SYTL2: variants seen among roughly 807,000 people sequenced by gnomAD.
SYTL2 encodes synaptotagmin-like protein 2.
Under a neutral mutation model 198.7 loss-of-function variants are expected in SYTL2, and 165 were observed. That is an observed-to-expected ratio of 0.83 (90% CI 0.73 to 0.94). The LOEUF (loss-of-function observed/expected upper bound fraction) is 0.94, where lower values mean the gene tolerates loss of function less well. SYTL2 is among the 40% of genes least tolerant of loss of function. The pLI is 0.00. For missense variants in SYTL2, 2,835 were observed against 2,582.8 expected (o/e 1.10, Z -2.12); for synonymous variants, 966 against 917.7 (o/e 1.05, Z -0.95).
At chr11:85,718,734 A>G in intron 10 of SYTL2, 56 bp downstream of exon 10, 6 of 1,567,332 alleles carry the variant, frequency 3.8e-6, no homozygotes, top group Non-Finnish European at 5.3e-6. Flanking sequence ...GAGACTGCCC[A>G]AATCACCCCA....
chr11:85,758,856 G>A (rs2091995755), intron 1 of SYTL2, among the ~76,000 whole-genome samples: 1 of 152,226 alleles, frequency 6.6e-6, no homozygotes, highest in African/African-American at 2.4e-5. Context: ...AGTGAAGAAT[G>A]ACACAGCCCT....
At chr11:85,788,937 C>T (rs993780777) in intron 1 of SYTL2, among the ~76,000 whole-genome samples, 2 of 151,160 alleles carry the variant, frequency 1.3e-5, no homozygotes, top group African/African-American at 2.4e-5. Flanking sequence ...GTCAAAGCAA[C>T]GGTCTCAAAA....
At chr11:85,785,883 G>A (rs1042641017) in intron 1 of SYTL2, among the ~76,000 whole-genome samples, 1 of 152,214 alleles carries the variant, frequency 6.6e-6, no homozygotes, top group Admixed American at 6.5e-5. Flanking sequence ...AGGAATGACA[G>A]TGACTTCCAC....
Position 85,725,777 on chromosome 11 carries a change from T to C in SYTL2, c.3581A>G (p.His1194Arg), listed in dbSNP as rs1193262700. 1 of 1,614,072 alleles carries C rather than the reference T, an allele frequency of 6.2e-7. No individual in the cohort carries two copies. The highest frequency in any genetic ancestry group is 8.5e-7 in the Non-Finnish European group (1 of 1,180,008). Reference sequence around the variant, plus strand: ...TGGATGAACTACTGTTTTGTCAACATGCTCATTAATGATCTTCTCAGGTCC... The same window carrying C: ...TGGATGAACTACTGTTTTGTCAACACGCTCATTAATGATCTTCTCAGGTCC... ...VKGPEKIINE[H>R]VDKTVVHPKV... is the part of the protein sequence containing the mutation. Residue 1194 changes from histidine to arginine, a missense_variant, in exon 8 of 20, where the codon CAT becomes CGT. This residue lies in a region of SYTL2 where 2,645 missense variants were observed against 2,381.7 expected (regional missense o/e 1.11). Transcript: ENST00000359152.
At chr11:85,796,859 G>C (rs2092811063) in intron 1 of SYTL2, among the ~76,000 whole-genome samples, 1 of 152,196 alleles carries the variant, frequency 6.6e-6, no homozygotes, top group African/African-American at 2.4e-5. Flanking sequence ...AGGAAGCTAA[G>C]AGACTTTATA....
chr11:85,789,378 GTATATATATATATATATATATAA>G (rs2092696303), intron 1 of SYTL2, among the ~76,000 whole-genome samples: 1 of 23,120 alleles, frequency 4.3e-5, no homozygotes, highest in African/African-American at 1.3e-4. Context: ...ATATATATAT[GTATATATATATATATATATATAA>G]TTTTTTTTTT....
chr11:85,782,166 G>A (rs1376306167), intron 1 of SYTL2, among the ~76,000 whole-genome samples: 2 of 152,214 alleles, frequency 1.3e-5, no homozygotes, highest in African/African-American at 4.8e-5. Flanking sequence ...GTTCCCAAAC[G>A]TCAATTCTTG....
At chr11:85,752,404 G>A (rs1473708993) in intron 2 of SYTL2, among the ~76,000 whole-genome samples, 1 of 152,142 alleles carries the variant, frequency 6.6e-6, no homozygotes, top group East Asian at 1.9e-4. Flanking sequence ...ACACAGAGCT[G>A]GCAGCAGAAG....
chr11:85,749,292 G>C (rs2091367163), intron 2 of SYTL2, among the ~76,000 whole-genome samples: 1 of 152,140 alleles, frequency 6.6e-6, no homozygotes, highest in Non-Finnish European at 1.5e-5. Context: ...GATGTACTTA[G>C]AATAAAGTGG....
the SYTL2 span, among the ~76,000 whole-genome samples, chr11:85,834,130 A>G: frequency 2.6e-5 from 4 of 152,172 alleles, no homozygotes; most frequent in African/African-American, 9.7e-5. Context: ...ACAAGAGTTC[A>G]CAGAAAAAAT....
At chr11:85,823,979 T>C in the SYTL2 span, among the ~76,000 whole-genome samples, 1 of 152,156 alleles carries the variant, frequency 6.6e-6, no homozygotes, top group Admixed American at 6.5e-5. Context: ...AAAGAAACCA[T>C]GGGAAACCCT....
chr11:85,719,124 A>T, intron 9 of SYTL2: 2 of 1,449,942 alleles, frequency 1.4e-6, no homozygotes, highest in Non-Finnish European at 1.8e-6. Flanking sequence ...ATCGGCCAGC[A>T]GCAGGAGAAA....
At chr11:85,762,358 T>C (rs1454999848) in intron 1 of SYTL2, among the ~76,000 whole-genome samples, 1 of 152,200 alleles carries the variant, frequency 6.6e-6, no homozygotes, top group Non-Finnish European at 1.5e-5. Context: ...ATATTATTGA[T>C]GTGTTCACAG....
chr11:85,792,461 A>T (rs1218187802), intron 1 of SYTL2, among the ~76,000 whole-genome samples: 1 of 152,016 alleles, frequency 6.6e-6, no homozygotes, highest in African/African-American at 2.4e-5. Flanking sequence ...GACCTATGAA[A>T]TGTGTCACTC....
At chr11:85,812,303 C>A (rs2093045118), upstream of SYTL2, among the ~76,000 whole-genome samples, 1 of 152,140 alleles carries the variant, frequency 6.6e-6, no homozygotes, top group African/African-American at 2.4e-5. Context: ...GGTCTTCCTT[C>A]TCCCAAACTT....
chr11:85,724,959 T>A lies in SYTL2; in HGVS notation c.4399A>T (p.Ile1467Phe). ...SDQTLSSFAS[I>F]VAQYGKGLPQ... ...AGGCCTTTGCCATATTGAGCAACAA[T>A]GGAAGCAAATGAGCTAAGCGTCTGG... The change falls in exon 8 of 20, where the codon ATT becomes TTT. Residue 1467 changes from isoleucine to phenylalanine, a missense_variant. Ile to Phe is a conservative substitution (Grantham distance 21, BLOSUM62 0). Coordinates refer to ENST00000359152, the MANE Select transcript of SYTL2 (RefSeq NM_206927.4). 1 of 1,613,762 alleles carries A rather than the reference T, an allele frequency of 6.2e-7. No homozygotes were observed. The highest frequency in any genetic ancestry group is 2.2e-5 in the East Asian group (1 of 44,884).
intron 9 of SYTL2, 181 bp from the exon 10 acceptor site, chr11:85,719,024 T>C: frequency 6.6e-7 from 1 of 1,523,432 alleles, no homozygotes; most frequent in South Asian, 1.2e-5. Context: ...GCCAGTGCCA[T>C]AGCGGGAGCT....
chr11:85,798,321 C>A (rs2092834409), intron 1 of SYTL2, among the ~76,000 whole-genome samples: 1 of 152,186 alleles, frequency 6.6e-6, no homozygotes, highest in Non-Finnish European at 1.5e-5. Context: ...TACGGAATGA[C>A]AAGAGAAACC....
At chr11:85,792,909 G>A (rs2092751641) in intron 1 of SYTL2, among the ~76,000 whole-genome samples, 1 of 151,760 alleles carries the variant, frequency 6.6e-6, no homozygotes. Flanking sequence ...ATAGTTTACT[G>A]AGAATGATGA....
Sources: gnomAD v4.1 joint callset for allele counts (sites outside exome capture counted in the v4.1 genomes callset) on GRCh38, gnomAD v4.1.1 for gene constraint, gnomAD v4.1.1 regional missense constraint, MANE v1.5 for transcripts, NCBI Gene and HGNC (gene_info 2026-07-23, HGNC 2026-07-21) for gene names.